HIVEP2: variants seen among roughly 807,000 people sequenced by gnomAD.
HIVEP2 encodes the protein HIVEP zinc finger 2, also known as transcription factor HIVEP2.
A neutral mutation model predicts 180.7 loss-of-function variants in HIVEP2; 14 were observed. The ratio of observed to expected loss-of-function variants is 0.08; its 90% CI spans 0.05 to 0.12. HIVEP2 has a LOEUF of 0.12. Among genes scored for constraint, HIVEP2 ranks in the 10% least tolerant of loss-of-function variants. The pLI is 1.00. For synonymous variants in HIVEP2, 1,184 were observed against 1,136.4 expected, an observed-to-expected ratio of 1.04 and a Z score of -0.84; for missense variants, 2,579 against 3,008.5, an observed-to-expected ratio of 0.86 and a Z score of 3.34.
chr6:142,807,855 C>A (rs1776590464), intron 2 of HIVEP2, among the ~76,000 whole-genome samples: 2 of 152,266 alleles, frequency 1.3e-5, no homozygotes, highest in East Asian at 3.9e-4. Flanking sequence ...CCTGTGGGGT[C>A]AAGTCGTAGG....
At chr6:142,848,443 G>C (rs552563127) in intron 1 of HIVEP2, among the ~76,000 whole-genome samples, 57 of 152,256 alleles carry the variant, frequency 3.7e-4, no homozygotes, top group African/African-American at 1.2e-3. Flanking sequence ...CTAAAGGCTG[G>C]GCATGGTAGC....
chr6:142,811,685 C>T (rs1056974334), intron 2 of HIVEP2, among the ~76,000 whole-genome samples: 1 of 152,230 alleles, frequency 6.6e-6, no homozygotes, highest in African/African-American at 2.4e-5. Flanking sequence ...CTTCCTAACA[C>T]ATTCTCTCCA....
At chr6:142,814,295 G>C (rs973592401) in intron 2 of HIVEP2, among the ~76,000 whole-genome samples, 7 of 152,176 alleles carry the variant, frequency 4.6e-5, no homozygotes, top group Non-Finnish European at 1.0e-4. Flanking sequence ...TATTACTAAT[G>C]TATACCCTAA....
At chr6:142,903,624 C>T (rs527864713) in intron 1 of HIVEP2, among the ~76,000 whole-genome samples, 5 of 152,052 alleles carry the variant, frequency 3.3e-5, no homozygotes, top group African/African-American at 1.2e-4. Flanking sequence ...TATACCAGTA[C>T]AAAATTGCAG....
intron 1 of HIVEP2, among the ~76,000 whole-genome samples, chr6:142,846,523 C>T (rs761811594): frequency 6.6e-5 from 10 of 152,260 alleles, no homozygotes; most frequent in Non-Finnish European, 1.2e-4. Flanking sequence ...AGATATTTCC[C>T]ATCAATTCTG....
intron 3 of HIVEP2, among the ~76,000 whole-genome samples, chr6:142,780,773 C>T (rs1017490178): frequency 3.3e-5 from 5 of 152,258 alleles, no homozygotes; most frequent in Admixed American, 6.5e-5. Context: ...CTACTCCACT[C>T]ATGTTATACT....
At chr6:142,779,102 T>C (rs545675187) in intron 3 of HIVEP2, among the ~76,000 whole-genome samples, 1 of 152,302 alleles carries the variant, frequency 6.6e-6, no homozygotes, top group African/African-American at 2.4e-5. Flanking sequence ...AAATCATTAC[T>C]TTTATTTTTA....
chr6:142,867,568 C>G (rs1366571197), intron 1 of HIVEP2, among the ~76,000 whole-genome samples: 1 of 152,178 alleles, frequency 6.6e-6, no homozygotes, highest in African/African-American at 2.4e-5. Flanking sequence ...TGGTCAGCAA[C>G]AGCTGCAGCT....
At chr6:142,871,356 G>C (rs1054719692) in intron 1 of HIVEP2, among the ~76,000 whole-genome samples, 3 of 151,924 alleles carry the variant, frequency 2.0e-5, no homozygotes, top group African/African-American at 7.3e-5. Flanking sequence ...GAGTAACCAA[G>C]GAGAGAACTA....
intron 2 of HIVEP2, among the ~76,000 whole-genome samples, chr6:142,786,380 T>C (rs1334647557): frequency 1.3e-5 from 2 of 152,224 alleles, no homozygotes; most frequent in Non-Finnish European, 2.9e-5. Context: ...TGAATCTTGA[T>C]AAAAATCCAA....
chr6:142,769,432 C>T (rs1389342707), intron 5 of HIVEP2, 120 bp downstream of exon 5: 14 of 870,360 alleles, frequency 1.6e-5, no homozygotes, highest in Admixed American at 2.7e-5. Context: ...TCTGAAAACG[C>T]CCCCACACTG....
At position 142,829,881 on chromosome 6, in the gene HIVEP2, A is replaced by G. The variant is rs181557181; in HGVS notation, c.-528+7054T>C. On this transcript the variant is annotated intron_variant, in intron 2 of 9. Coordinates refer to ENST00000367603, the MANE Select transcript of HIVEP2 (RefSeq NM_006734.4). ...TATTTGTGCACAAAACATTCTGTTA[A>G]TGGAAATCTTTTTATGGCTCAAGAT... 1.4e-3 allele frequency among the ~76,000 whole-genome samples: 206 copies of G among 152,364 alleles called. 1 individual carries two copies. Among genetic ancestry groups the G allele is most frequent in the Admixed American group, 3.2e-3 (49 of 15,308 alleles).
At chr6:142,938,031 G>C (rs1421335078) in intron 1 of HIVEP2, among the ~76,000 whole-genome samples, 1 of 152,092 alleles carries the variant, frequency 6.6e-6, no homozygotes, top group African/African-American at 2.4e-5. Context: ...TAATGACATT[G>C]CATTCTCTAC....
intron 2 of HIVEP2, among the ~76,000 whole-genome samples, chr6:142,823,729 T>C (rs773585900): frequency 6.6e-6 from 1 of 152,222 alleles, no homozygotes; most frequent in South Asian, 2.1e-4. Context: ...TATTCTTAAA[T>C]TTGTAAAGAT....
At chr6:142,836,716 A>C (rs2114879523) in intron 2 of HIVEP2, among the ~76,000 whole-genome samples, 1 of 152,290 alleles carries the variant, frequency 6.6e-6, no homozygotes, top group Admixed American at 6.5e-5. Context: ...TATAAATGAC[A>C]ACATTTTCTA....
rs754086480 is a variant in HIVEP2, at chr6:142,769,603, C to T, written c.5136G>A (p.Arg1712=). The part of the protein sequence containing the change: ...AEIYTLAAMH[R]PGTGKLTSSS... The stretch of plus-strand genomic sequence containing the variant: ...ATGATGTAAGCTTGCCGGTTCCAGG[C>T]CTATGCATAGCAGCCAGAGTATAAA... Residue 1712 remains arginine (R), a synonymous_variant, in exon 5 of 10, where the codon AGG becomes AGA. Coordinates refer to ENST00000367603, the MANE Select transcript of HIVEP2 (RefSeq NM_006734.4). 4 of 1,614,168 alleles carry T rather than the reference C, an allele frequency of 2.5e-6. No individual in the cohort carries two copies. The East Asian group carries it at 8.9e-5, about 36-fold the overall frequency.
intron 1 of HIVEP2, among the ~76,000 whole-genome samples, chr6:142,944,229 G>A (rs933925025): frequency 6.6e-6 from 1 of 152,100 alleles, no homozygotes; most frequent in Non-Finnish European, 1.5e-5. Context: ...TTGGAGGGTT[G>A]GGGTCGCATT....
In HIVEP2 at chr6:142,770,782, G is replaced by C. The variant is rs190613471; in HGVS notation, c.3957C>G (p.Ala1319=). The C allele has an allele frequency of 2.8e-4, 446 of 1,614,192 alleles. 3 individuals carry two copies. In the African/African-American group the frequency reaches 5.0e-3, roughly 18 times the overall value. ...ACTGCAAAGACCCAGCATTTGCCGA[G>C]GCAAAATCTTCTTGAAGAACCTGCT... ...PSEQVLQEDF[A]SANAGSLQSL... The change falls in exon 5 of 10, where the codon GCC becomes GCG. Residue 1319 remains alanine (A), a synonymous_variant. Coordinates refer to ENST00000367603, the MANE Select transcript of HIVEP2 (RefSeq NM_006734.4). This position sits in a 1 kb window ranked among gnomAD's most constrained non-coding sequence, Gnocchi z 4.7.
intron 2 of HIVEP2, among the ~76,000 whole-genome samples, chr6:142,786,139 T>C (rs1359438810): frequency 6.6e-6 from 1 of 152,164 alleles, no homozygotes; most frequent in Non-Finnish European, 1.5e-5. Context: ...TCCATCAAAA[T>C]AAAAGAAAAT....
Sources: allele counts gnomAD v4.1 joint callset (sites outside exome capture counted in the v4.1 genomes callset), GRCh38; gene constraint gnomAD v4.1.1; non-coding constraint Gnocchi (gnomAD v3.1); transcripts MANE v1.5; gene names NCBI Gene and HGNC (gene_info 2026-07-23, HGNC 2026-07-21).